LRRC4C: variants seen among roughly 807,000 people sequenced by gnomAD.
The protein encoded by LRRC4C is leucine-rich repeat-containing protein 4C.
Under a neutral mutation model 33.6 loss-of-function variants are expected in LRRC4C, and 5 were observed. The observed-to-expected ratio is 0.15, with a 90% CI of 0.08 to 0.31. LRRC4C has a LOEUF of 0.31. Ranked by LOEUF, LRRC4C falls within the 10% of genes least tolerant of loss-of-function variation. The probability of loss-of-function intolerance (pLI) is 1.00; values close to 1 mark genes in which losing one functional copy is unlikely to be tolerated. For synonymous variants in LRRC4C, 329 were observed against 302.0 expected (o/e 1.09, Z -0.93); for missense variants, 560 against 796.7 (o/e 0.70, Z 3.58).
chr11:41,410,684 C>G (rs973029580), intron 1 of LRRC4C, among the ~76,000 whole-genome samples: 1 of 152,162 alleles, frequency 6.6e-6, no homozygotes, highest in Admixed American at 6.5e-5. Context: ...TCGTGATCCA[C>G]CCGCTTCGGC....
At chr11:41,370,635 T>C (rs1317422507) in intron 1 of LRRC4C, among the ~76,000 whole-genome samples, 1 of 152,186 alleles carries the variant, frequency 6.6e-6, no homozygotes, top group Non-Finnish European at 1.5e-5. Context: ...GTAAGTCCAA[T>C]TAAACTCCTT....
intron 1 of LRRC4C, among the ~76,000 whole-genome samples, chr11:41,177,749 A>AT (rs1262408112): frequency 1.3e-5 from 2 of 152,184 alleles, no homozygotes; most frequent in Non-Finnish European, 2.9e-5. Context: ...TTATATAGTC[A>AT]TTTTTCTCCA....
chr11:41,016,138 A>C (rs971730364), intron 1 of LRRC4C, among the ~76,000 whole-genome samples: 2 of 150,328 alleles, frequency 1.3e-5, no homozygotes, highest in African/African-American at 2.4e-5. Flanking sequence ...TAAACAAATC[A>C]ACACACATTT....
intron 2 of LRRC4C, among the ~76,000 whole-genome samples, chr11:40,775,912 T>C (rs908126730): frequency 1.3e-5 from 2 of 152,190 alleles, no homozygotes; most frequent in Non-Finnish European, 2.9e-5. Context: ...TGTGGGTTTG[T>C]CATAGATGGG....
intron 3 of LRRC4C, among the ~76,000 whole-genome samples, chr11:40,579,202 G>T (rs1958353549): frequency 6.6e-6 from 1 of 152,054 alleles, no homozygotes; most frequent in South Asian, 2.1e-4. Flanking sequence ...CCTGGATGAT[G>T]GCATGTGCCT....
intron 5 of LRRC4C, among the ~76,000 whole-genome samples, chr11:40,144,414 A>G (rs1857580041): frequency 6.6e-6 from 1 of 152,190 alleles, no homozygotes; most frequent in African/African-American, 2.4e-5. Flanking sequence ...TTCTAAAATG[A>G]TGATTTAAGG....
At chr11:41,321,878 T>C (rs1950969152) in intron 1 of LRRC4C, among the ~76,000 whole-genome samples, 1 of 152,166 alleles carries the variant, frequency 6.6e-6, no homozygotes, top group Non-Finnish European at 1.5e-5. Context: ...TTCTTTTTTT[T>C]TTCCAGATGG....
At chr11:40,381,151 G>C (rs1417955628) in intron 3 of LRRC4C, among the ~76,000 whole-genome samples, 1 of 150,774 alleles carries the variant, frequency 6.6e-6, no homozygotes, top group Non-Finnish European at 1.5e-5. Flanking sequence ...ATTCGACCTA[G>C]ACAAAGAATT....
At chr11:40,444,809 A>G (rs1252919447) in intron 3 of LRRC4C, among the ~76,000 whole-genome samples, 2 of 152,204 alleles carry the variant, frequency 1.3e-5, no homozygotes, top group Non-Finnish European at 2.9e-5. Context: ...AAGCTCTGAA[A>G]GTGAATTAGC....
intron 1 of LRRC4C, among the ~76,000 whole-genome samples, chr11:41,296,293 G>C (rs955252407): frequency 2.0e-5 from 3 of 150,816 alleles, no homozygotes; most frequent in African/African-American, 7.3e-5. Context: ...ATATGTTATT[G>C]CTGGTGACAA....
At chr11:40,745,118 T>C (rs1323528648) in intron 2 of LRRC4C, among the ~76,000 whole-genome samples, 4 of 152,294 alleles carry the variant, frequency 2.6e-5, no homozygotes, top group African/African-American at 9.6e-5. Flanking sequence ...AACTCTTAAG[T>C]TGTTTATGGT....
intron 1 of LRRC4C, among the ~76,000 whole-genome samples, chr11:41,445,319 C>T (rs537862398): frequency 4.3e-4 from 66 of 152,248 alleles, no homozygotes; most frequent in African/African-American, 1.3e-3. Context: ...TTATTTCTCT[C>T]GCATTTTAAT....
chr11:41,315,826 T>C (rs1176329997), intron 1 of LRRC4C, among the ~76,000 whole-genome samples: 3 of 152,328 alleles, frequency 2.0e-5, no homozygotes, highest in East Asian at 3.9e-4. Flanking sequence ...AATATCTGTA[T>C]ACATAGCTAT....
At chr11:40,128,604 T>C (rs1565024449) in intron 6 of LRRC4C, among the ~76,000 whole-genome samples, 1 of 152,172 alleles carries the variant, frequency 6.6e-6, no homozygotes, top group Non-Finnish European at 1.5e-5. Flanking sequence ...TAGAACAAAA[T>C]GCAAACTGCT....
intron 2 of LRRC4C, among the ~76,000 whole-genome samples, chr11:40,894,541 A>G (rs1955854969): frequency 6.6e-6 from 1 of 152,134 alleles, no homozygotes. Context: ...TGATTATGGG[A>G]TTTTGTTAGA....
intron 3 of LRRC4C, among the ~76,000 whole-genome samples, chr11:40,586,209 T>G (rs9666324): frequency 0.26 from 39,874 of 151,644 alleles, 5,367 homozygotes; most frequent in Middle Eastern, 0.36. Flanking sequence ...TTGATTTGCA[T>G]TTCTCTGATG....
chr11:41,215,037 T>TATA (rs1946996000), intron 1 of LRRC4C, among the ~76,000 whole-genome samples: 1 of 147,242 alleles, frequency 6.8e-6, no homozygotes, highest in Non-Finnish European at 1.5e-5. Flanking sequence ...TATATATATA[T>TATA]ATCACATTTT....
chr11:41,216,357 A>G (rs1032916891), intron 1 of LRRC4C, among the ~76,000 whole-genome samples: 4 of 152,174 alleles, frequency 2.6e-5, no homozygotes, highest in Non-Finnish European at 5.9e-5. Flanking sequence ...GAAAAACGAC[A>G]TTGAGATAAA....
At chr11:41,098,648 A>C (rs956549400) in intron 1 of LRRC4C, among the ~76,000 whole-genome samples, 1 of 152,196 alleles carries the variant, frequency 6.6e-6, no homozygotes, top group Non-Finnish European at 1.5e-5. Flanking sequence ...GACCTAGGAA[A>C]GTAAATTTAA....
Sources: gnomAD v4.1 joint callset for allele counts (sites outside exome capture counted in the v4.1 genomes callset) on GRCh38, gnomAD v4.1.1 for gene constraint, MANE v1.5 for transcripts, NCBI Gene and HGNC (gene_info 2026-07-23, HGNC 2026-07-21) for gene names.